Variants in FADS2 observed in about 807,000 individuals in gnomAD.
FADS2 encodes the protein fatty acid desaturase 2.
Under a neutral mutation model 61.2 loss-of-function variants are expected in FADS2, and 18 were observed. The ratio of observed to expected loss-of-function variants is 0.29; its 90% confidence interval spans 0.20 to 0.44. FADS2 has a LOEUF of 0.44. Among genes scored for constraint, FADS2 ranks in the 20% least tolerant of loss-of-function variants. The pLI, the probability that FADS2 is intolerant of heterozygous loss-of-function variation, is 1.00. For synonymous variants in FADS2, 203 were observed against 223.9 expected, an observed-to-expected ratio of 0.91 and a Z score of 0.83; for missense variants, 322 against 572.7, an observed-to-expected ratio of 0.56 and a Z score of 4.47.
chr11:61,857,287 G>A (rs541161612), intron 6 of FADS2, among the ~76,000 whole-genome samples, 167 bp from the exon 7 acceptor site: 7 of 152,260 alleles, frequency 4.6e-5, no homozygotes, highest in South Asian at 2.1e-4. Flanking sequence ...GGTGACACAC[G>A]TCCTCAAGGG....
At chr11:61,852,081 C>T (rs944088869) in intron 5 of FADS2, among the ~76,000 whole-genome samples, 1 of 152,146 alleles carries the variant, frequency 6.6e-6, no homozygotes, top group African/African-American at 2.4e-5. Context: ...GGCATTGCTT[C>T]TTCATATGAG....
chr11:61,840,387 C>G lies in FADS2; in HGVS notation c.372C>G (p.Asn124Lys), dbSNP rs150282736. The change falls in exon 3 of 12, where the codon AAC (asparagine) becomes AAG (lysine). Residue 124 changes from asparagine to lysine, a missense_variant. Physicochemically the swap from Asn to Lys is moderately conservative, Grantham distance 94. Coordinates refer to ENST00000278840, the MANE Select transcript of FADS2 (RefSeq NM_004265.4). ...RALRKTAEDMNLFKTNHVFFL... is the reference protein window; with the variant it reads ...RALRKTAEDMKLFKTNHVFFL... Reference sequence around the variant, plus strand: ...TGAGGAAGACGGCTGAGGACATGAACCTGTTCAAGACCAACCACGTGTTCT... The same window carrying G: ...TGAGGAAGACGGCTGAGGACATGAAGCTGTTCAAGACCAACCACGTGTTCT... The G allele has an allele frequency of 1.9e-6, 3 of 1,614,084 alleles. No homozygotes were observed. The African/African-American group carries it at 4.0e-5, about 22-fold the overall frequency.
intron 8 of FADS2, 41 bp from the exon 9 acceptor site, chr11:61,863,241 G>A: frequency 6.5e-7 from 1 of 1,539,412 alleles, no homozygotes; most frequent in Non-Finnish European, 9.0e-7. Flanking sequence ...ACTGTGGCTG[G>A]GCCCCCGGAG....
intron 5 of FADS2, among the ~76,000 whole-genome samples, chr11:61,850,485 G>A (rs1308772484): frequency 1.3e-5 from 2 of 152,046 alleles, no homozygotes; most frequent in African/African-American, 2.4e-5. Flanking sequence ...TCCTGACTTC[G>A]TGATCCGCCC....
At chr11:61,817,179 C>T in intron 1 of FADS2, 2 of 197,692 alleles carry the variant, frequency 1.0e-5, no homozygotes, top group Non-Finnish European at 2.0e-5. Context: ...GGGGCCAGGG[C>T]TGCGGGGTGG....
At position 61,842,454 on chromosome 11, in the gene FADS2, C is replaced by T. The variant is rs565363126; in HGVS notation, c.618+1729C>T. The stretch of plus-strand genomic sequence containing the variant: ...CCCCCACACACTTAACAAAGATGGG[C>T]TGTGTCCTGCTTCCAGATTCTGGGC... On this transcript the variant is annotated intron_variant, in intron 4 of 11. Coordinates refer to ENST00000278840, the MANE Select transcript of FADS2 (RefSeq NM_004265.4). 5.9e-5 allele frequency among the ~76,000 whole-genome samples: 9 copies of T among 152,388 alleles called. No individual in the cohort carries two copies. The East Asian group carries it at 1.5e-3, about 26-fold the overall frequency.
rs1274596962 is a variant in FADS2 at position 61,839,618 on chromosome 11, G to C, written c.319-716G>C. On this transcript the variant is annotated intron_variant, in intron 2 of 11. Transcript: ENST00000278840. ...GATTAAAGTTTTCTTTTTTAAAAAA[G>C]TGTGGTCAACCATTTTGGTCATTTG... 3.3e-5 allele frequency among the ~76,000 whole-genome samples: 5 copies of C among 152,142 alleles called. No homozygotes were observed. In the East Asian group the frequency reaches 9.6e-4, roughly 29 times the overall value.
intron 1 of FADS2, among the ~76,000 whole-genome samples, chr11:61,818,207 A>T (rs1037592140): frequency 4.6e-5 from 7 of 152,240 alleles, no homozygotes; most frequent in Admixed American, 2.6e-4. Context: ...GGATTAATTC[A>T]TTCCATCCAA....
intron 7 of FADS2, among the ~76,000 whole-genome samples, chr11:61,858,717 C>T (rs1412202057): frequency 6.6e-6 from 1 of 151,730 alleles, no homozygotes; most frequent in Non-Finnish European, 1.5e-5. Context: ...TCCTGAGTAG[C>T]TGGGAGTACA....
intron 5 of FADS2, 163 bp from the exon 6 acceptor site, chr11:61,856,848 G>A (rs2067363377): frequency 1.5e-6 from 1 of 664,188 alleles, no homozygotes; most frequent in Non-Finnish European, 2.7e-6. Flanking sequence ...CAGAGGGCTG[G>A]AGGGGCCCCA....
At chr11:61,826,666 G>A (rs1055834121), upstream of FADS2, among the ~76,000 whole-genome samples, 3 of 152,176 alleles carry the variant, frequency 2.0e-5, no homozygotes, top group Admixed American at 6.5e-5. Context: ...AGACAGAGAG[G>A]CCTTACTGTC....
At chr11:61,824,401 A>G (rs1432846225), upstream of FADS2, among the ~76,000 whole-genome samples, 2 of 3,802 alleles carry the variant, frequency 5.3e-4, no homozygotes, top group Non-Finnish European at 2.3e-3. Flanking sequence ...AAAAAGAGAG[A>G]GAGAGAGAGA....
rs977247374 is a variant in FADS2 at position 61,865,549 on chromosome 11, C to T, written c.1284-89C>T. The T allele has an allele frequency of 1.9e-5, 24 of 1,240,286 alleles. No individual in the cohort carries two copies. Among genetic ancestry groups the T allele is most frequent in the Non-Finnish European group, 2.4e-5 (21 of 858,568 alleles). The allele number at this position is 1,240,286 out of a possible 1,614,324, so 76.8% of individuals were successfully genotyped here. ...GGTTAGGGCCAAGGGGACATACATG[C>T]CACCTTAATGATGGCCTCCTCAGCC... On this transcript the variant is annotated intron_variant, in intron 11 of 11. Transcript: ENST00000278840. The surrounding 1 kb of genome is among the most constrained non-coding windows in gnomAD (Gnocchi z 4.1).
At chr11:61,818,664 G>A (rs1462812949) in intron 1 of FADS2, among the ~76,000 whole-genome samples, 5 of 152,110 alleles carry the variant, frequency 3.3e-5, no homozygotes, top group East Asian at 1.9e-4. Context: ...ATCCTTCCCC[G>A]TGAAATAAGC....
intron 5 of FADS2, among the ~76,000 whole-genome samples, chr11:61,853,228 CT>C (rs1419925042): frequency 2.2e-5 from 3 of 136,220 alleles, no homozygotes; most frequent in African/African-American, 8.2e-5. Flanking sequence ...CTCTTTCTTT[CT>C]TCTCTTTCTT....
chr11:61,848,129 T>C (rs1708168748), intron 4 of FADS2, 30 bp from the exon 5 acceptor site: 1 of 1,613,844 alleles, frequency 6.2e-7, no homozygotes, highest in African/African-American at 1.3e-5. Flanking sequence ...GTGGCTTGCA[T>C]GGCTCATCCC....
Position 61,828,721 on chromosome 11 carries a change from A to G in FADS2, c.207+124A>G, listed in dbSNP as rs1283995663. 5 of 810,800 alleles carry G rather than the reference A, an allele frequency of 6.2e-6. No homozygotes were observed. In the African/African-American group the frequency reaches 6.8e-5, roughly 11 times the overall value. 50.2% of individuals were successfully genotyped at this position (810,800 alleles called of 1,614,324 possible). On this transcript the variant is annotated intron_variant, in intron 1 of 11. Coordinates refer to ENST00000278840, the MANE Select transcript of FADS2 (RefSeq NM_004265.4). This position sits in a 1 kb window ranked among gnomAD's most constrained non-coding sequence, Gnocchi z 6.4. The stretch of plus-strand genomic sequence containing the variant: ...AGCTTGGGACGTCCTGTAGGGAAGG[A>G]AAGTGCATCTATTGCACTCGTACCC...
chr11:61,861,384 A>G (rs1414137422), intron 7 of FADS2, among the ~76,000 whole-genome samples: 2 of 148,114 alleles, frequency 1.4e-5, no homozygotes, highest in African/African-American at 5.0e-5. Flanking sequence ...GAAATTAGCT[A>G]CTCGGGAGGC....
chr11:61,842,887 C>T (rs1189607901), intron 4 of FADS2, among the ~76,000 whole-genome samples: 1 of 152,214 alleles, frequency 6.6e-6, no homozygotes, highest in Non-Finnish European at 1.5e-5. Flanking sequence ...AAGGGCCTCG[C>T]CAACTCAGAT....
Sources: gnomAD v4.1 joint callset for allele counts (sites outside exome capture counted in the v4.1 genomes callset) on GRCh38, gnomAD v4.1.1 for gene constraint, Gnocchi (gnomAD v3.1) non-coding constraint, MANE v1.5 for transcripts, NCBI Gene and HGNC (gene_info 2026-07-23, HGNC 2026-07-21) for gene names.